BEND2: variants seen among roughly 807,000 people sequenced by gnomAD.
BEND2 encodes the protein BEN domain-containing protein 2.
A neutral mutation model predicts 43.8 loss-of-function variants in BEND2; 19 were observed. That is an observed-to-expected ratio of 0.43 (90% CI 0.30 to 0.64). BEND2 has a LOEUF of 0.64. BEND2 is among the 30% of genes least tolerant of loss of function. The pLI, the probability that BEND2 is intolerant of heterozygous loss-of-function variation, is 0.11. For synonymous variants in BEND2, 226 were observed against 210.1 expected (o/e 1.08, Z -0.66); for missense variants, 544 against 574.0 (o/e 0.95, Z 0.53).
Position 18,164,354 on chromosome X carries a change from C to T in BEND2, c.*655G>A, listed in dbSNP as rs1923768064. The T allele has an allele frequency of 9.0e-6, 1 of 111,547 alleles. No homozygotes were observed. The highest frequency in any genetic ancestry group is 9.6e-5 in the Admixed American group (1 of 10,432). 9.2% of individuals were successfully genotyped at this position (111,547 alleles called of 1,213,427 possible). A position where few individuals can be genotyped will look rare whatever the true frequency, so the allele number is the denominator to read the frequency against. On this transcript the variant is annotated 3_prime_UTR_variant, in exon 14 of 14. Transcript: ENST00000380033. ...ATCTACTTTTTAAGACCTTTGTAGG[C>T]ATAGCCTAACTTATAAAGATGTATG...
intron 1 of BEND2, 34 bp from the exon 2 acceptor site, chrX:18,216,767 T>A (rs1925688312): frequency 1.5e-5 from 15 of 1,033,662 alleles, no homozygotes; most frequent in Non-Finnish European, 2.0e-5. Context: ...TTAGATTCAA[T>A]ATCACATTAA....
chrX:18,185,132 A>G lies in BEND2; in HGVS notation c.1289-4482T>C, dbSNP rs142165754. Among the ~76,000 whole-genome samples, 379 of 110,255 alleles carry G rather than the reference A, an allele frequency of 3.4e-3. 3 individuals are homozygous for G. Among genetic ancestry groups the G allele is most frequent in the African/African-American group, 0.011 (343 of 30,372 alleles). ...TACAAAAAAGACAAAAGAAAAAAGA[A>G]TGAAGCATGTCTACAAGATCTAGAA... On this transcript the variant is annotated intron_variant, in intron 8 of 13. Transcript: ENST00000380033.
chrX:18,177,457 G>C, intron 10 of BEND2, 112 bp downstream of exon 10: 1 of 815,116 alleles, frequency 1.2e-6, no homozygotes, highest in Middle Eastern at 3.7e-4. Flanking sequence ...AAAATGAATA[G>C]TTTTAAGATT....
chrX:18,220,844 T>A lies in BEND2; in HGVS notation c.-94A>T. ...CCGCGGCTCTGAGGTAACTGCTTGGTAACTGTGTGGTAACTGCGTACACTC... is the reference window on the plus strand; with the variant it reads ...CCGCGGCTCTGAGGTAACTGCTTGGAAACTGTGTGGTAACTGCGTACACTC... On this transcript the variant is annotated 5_prime_UTR_variant, in exon 1 of 14. Coordinates refer to ENST00000380033, the MANE Select transcript of BEND2 (RefSeq NM_153346.5). 6 of 985,038 alleles carry A rather than the reference T, an allele frequency of 6.1e-6. No homozygotes were observed. The highest frequency in any genetic ancestry group is 7.0e-6 in the Non-Finnish European group (5 of 713,158). The allele number at this position is 985,038 out of a possible 1,213,427, so 81.2% of individuals were successfully genotyped here. A position where few individuals can be genotyped will look rare whatever the true frequency, so the allele number is the denominator to read the frequency against.
At chrX:18,200,617 T>G (rs958535590) in intron 6 of BEND2, among the ~76,000 whole-genome samples, 1 of 110,947 alleles carries the variant, frequency 9.0e-6, no homozygotes, top group Non-Finnish European at 1.9e-5. Context: ...ACCCCAAAAT[T>G]ACATACTGTA....
chrX:18,201,339 T>G (rs1197151512), intron 6 of BEND2, among the ~76,000 whole-genome samples: 1 of 79,234 alleles, frequency 1.3e-5, no homozygotes, highest in Non-Finnish European at 2.2e-5. Flanking sequence ...GAGGTTGCAG[T>G]GAGCCGAGAT....
chrX:18,210,569 G>A (rs547611028), intron 4 of BEND2, among the ~76,000 whole-genome samples: 1 of 111,967 alleles, frequency 8.9e-6, no homozygotes, highest in African/African-American at 3.2e-5. Flanking sequence ...TATATACTTC[G>A]TGGTAGATAA....
chrX:18,206,571 G>A (rs916293102), intron 4 of BEND2, among the ~76,000 whole-genome samples: 2 of 110,837 alleles, frequency 1.8e-5, no homozygotes, highest in Non-Finnish European at 3.8e-5. Context: ...AGGAGAGACA[G>A]AGGGACGCCC....
chrX:18,176,524 C>G (rs1043503341), intron 10 of BEND2, among the ~76,000 whole-genome samples: 1 of 108,932 alleles, frequency 9.2e-6, no homozygotes, highest in South Asian at 4.1e-4. Flanking sequence ...ATAAAAAATA[C>G]AAAACTTAGC....
At chrX:18,207,143 C>T (rs1461336452) in intron 4 of BEND2, among the ~76,000 whole-genome samples, 1 of 111,665 alleles carries the variant, frequency 9.0e-6, no homozygotes, top group Non-Finnish European at 1.9e-5. Context: ...GCACCCACTT[C>T]CCCCCAAGAC....
rs1161550768 is a variant in BEND2 at position 18,220,592 on chromosome X, G to A, written c.25+134C>T. On this transcript the variant is annotated intron_variant, in intron 1 of 13. Transcript: ENST00000380033. ...GGCAGATGGCCAATACCCAGAGGCC[G>A]CCCCCCGACACGCCCCGGTCAATGA... The A allele has an allele frequency of 9.6e-6, 9 of 937,015 alleles. No individual in the cohort carries two copies. The African/African-American group carries it at 9.8e-5, about 10-fold the overall frequency. 77.2% of individuals were successfully genotyped at this position (937,015 alleles called of 1,213,427 possible).
In BEND2 at chrX:18,220,750, T is replaced by TCG; in HGVS notation, c.-2_-1dup. Reference sequence around the variant, plus strand: ...CCCTGTTCCTGGGTCCTCTCTGACATCGTGAGATGGCGGGGTCTGGCTCTG... The same window carrying TCG: ...CCCTGTTCCTGGGTCCTCTCTGACATCGCGTGAGATGGCGGGGTCTGGCTCTG... On this transcript the variant is annotated 5_prime_UTR_variant, in exon 1 of 14. Transcript: ENST00000380033. 8.3e-7 allele frequency: 1 copy of TCG among 1,208,618 alleles called. No homozygotes were observed. The highest frequency in any genetic ancestry group is 1.1e-6 in the Non-Finnish European group (1 of 893,798).
At chrX:18,166,922 C>T (rs1923838933) in intron 13 of BEND2, among the ~76,000 whole-genome samples, 1 of 109,035 alleles carries the variant, frequency 9.2e-6, no homozygotes, top group African/African-American at 3.3e-5. Context: ...TCAAGTGAAA[C>T]CCATCTATTG....
At chrX:18,176,140 C>A (rs1009272632) in intron 10 of BEND2, 47 bp from the exon 11 acceptor site, 3 of 1,142,946 alleles carry the variant, frequency 2.6e-6, no homozygotes, top group South Asian at 2.2e-5. Context: ...AAAAAATTAA[C>A]AAACTAATGA....
intron 1 of BEND2, 75 bp from the exon 2 acceptor site, chrX:18,216,808 A>G (rs1223785937): frequency 1.3e-6 from 1 of 790,850 alleles, no homozygotes; most frequent in East Asian, 3.4e-5. Context: ...GCTACCTTAT[A>G]AAGTTATAGA....
chrX:18,169,828 A>G (rs190458875), intron 13 of BEND2, among the ~76,000 whole-genome samples: 1 of 112,475 alleles, frequency 8.9e-6, no homozygotes, highest in Non-Finnish European at 1.9e-5. Flanking sequence ...TGCAAAAGAC[A>G]TCTTCCAGAT....
rs2072740924 is a variant in BEND2, at chrX:18,177,612, T to C, written c.1587A>G (p.Lys529=). ...TGTTCGGGTCGAGGGATTGGCTGTC[T>C]TTCAAATGGATATCCACTGAGCTGC... is the stretch of plus-strand genomic sequence containing the variant. ...LISSSVDIHL[K]DSQSLDPNKM... is the part of the protein sequence containing the mutation. Residue 529 remains lysine (K), a synonymous_variant, in exon 10 of 14, where the codon AAA becomes AAG. Coordinates refer to ENST00000380033, the MANE Select transcript of BEND2 (RefSeq NM_153346.5). The C allele has an allele frequency of 3.3e-6, 4 of 1,211,615 alleles. No individual in the cohort carries two copies. Among genetic ancestry groups the C allele is most frequent in the Middle Eastern group, 2.3e-4 (1 of 4,355 alleles).
At chrX:18,206,212 G>T (rs746780277) in intron 4 of BEND2, among the ~76,000 whole-genome samples, 28 of 111,352 alleles carry the variant, frequency 2.5e-4, no homozygotes, top group Non-Finnish European at 4.7e-4. Flanking sequence ...AGGAACAGGA[G>T]GCTAAGCATG....
rs1166807056 is a variant in BEND2, at chrX:18,203,697, G to A, written c.711C>T (p.Ile237=). The A allele has an allele frequency of 8.3e-7, 1 of 1,209,556 alleles. No individual in the cohort carries two copies. The highest frequency in any genetic ancestry group is 3.0e-5 in the East Asian group (1 of 33,778). The change falls in exon 5 of 14, where the codon ATC becomes ATT. Residue 237 remains isoleucine (I), a synonymous_variant. Transcript: ENST00000380033. The stretch of plus-strand genomic sequence containing the variant: ...CATTGGTACTTTCAGCACCTCCACT[G>A]ATAAAGTTCCATGGCATACCGAAAC... The part of the protein sequence containing the change: ...FPCFGMPWNF[I]SGGAESTNAV...
Sources: gnomAD v4.1 joint callset for allele counts (sites outside exome capture counted in the v4.1 genomes callset) on GRCh38, gnomAD v4.1.1 for gene constraint, MANE v1.5 for transcripts, NCBI Gene and HGNC (gene_info 2026-07-23, HGNC 2026-07-21) for gene names.